YTHDC2: variants seen among roughly 807,000 people sequenced by gnomAD.
The protein encoded by YTHDC2 is 3'-5' RNA helicase YTHDC2.
YTHDC2 carries 45 observed loss-of-function variants against 174.9 expected under a neutral mutation model. That is an observed-to-expected ratio of 0.26 (90% CI 0.20 to 0.33). The LOEUF (loss-of-function observed/expected upper bound fraction) is 0.33. Among genes scored for constraint, YTHDC2 ranks in the 10% least tolerant of loss-of-function variants. The pLI, the probability that YTHDC2 is intolerant of heterozygous loss-of-function variation, is 1.00. For missense variants in YTHDC2, 1,650 were observed against 1,723.7 expected, an observed-to-expected ratio of 0.96 and a Z score of 0.76; for synonymous variants, 657 against 574.5, an observed-to-expected ratio of 1.14 and a Z score of -2.05.
Position 113,548,444 on chromosome 5 carries a change from C to T in YTHDC2, c.1496-97C>T, listed in dbSNP as rs1776032991. The T allele has an allele frequency of 3.2e-6, 4 of 1,247,480 alleles. No homozygotes were observed. In the African/African-American group the frequency reaches 6.1e-5, roughly 19 times the overall value. 77.3% of individuals were successfully genotyped at this position (1,247,480 alleles called of 1,614,324 possible). On this transcript the variant is annotated intron_variant, in intron 10 of 29. Transcript: ENST00000161863. Reference sequence around the variant, plus strand: ...AGGAGCAACTCTCAGGCTAATTATCCTGAAACTCAGTTCTGCTATTTCAGA... The same window carrying T: ...AGGAGCAACTCTCAGGCTAATTATCTTGAAACTCAGTTCTGCTATTTCAGA...
chr5:113,527,178 A>T (rs917364032), intron 4 of YTHDC2, among the ~76,000 whole-genome samples: 1 of 152,150 alleles, frequency 6.6e-6, no homozygotes, highest in Non-Finnish European at 1.5e-5. Context: ...CATTTATAAA[A>T]TGGGACTAAT....
At position 113,534,482 on chromosome 5, in the gene YTHDC2, G is replaced by C; in HGVS notation, c.945+75G>C. ...TAAATACATATGCCGTTTCAGGATA[G>C]TCTCAAAAAATTTAAATACATAATT... On this transcript the variant is annotated intron_variant, in intron 6 of 29. Coordinates refer to ENST00000161863, the MANE Select transcript of YTHDC2 (RefSeq NM_022828.5). The C allele has an allele frequency of 3.0e-6, 4 of 1,346,500 alleles. 1 individual carries two copies. Among genetic ancestry groups the C allele is most frequent in the Non-Finnish European group, 4.2e-6 (4 of 955,094 alleles). The allele number at this position is 1,346,500 out of a possible 1,614,324, so 83.4% of individuals were successfully genotyped here. A position where few individuals can be genotyped will look rare whatever the true frequency, so the allele number is the denominator to read the frequency against.
At chr5:113,525,281 C>T (rs1176258536) in intron 3 of YTHDC2, 104 bp downstream of exon 3, 4 of 956,166 alleles carry the variant, frequency 4.2e-6, no homozygotes, top group Non-Finnish European at 6.0e-6. Flanking sequence ...TAAGATTTCT[C>T]AATTGGAATA....
intron 2 of YTHDC2, among the ~76,000 whole-genome samples, chr5:113,523,370 T>A (rs1774004718): frequency 6.6e-6 from 1 of 152,148 alleles, no homozygotes; most frequent in South Asian, 2.1e-4. Flanking sequence ...CCATTTGCTC[T>A]GGTGCTCAGT....
chr5:113,526,820 A>G, intron 4 of YTHDC2, 35 bp downstream of exon 4: 1 of 400,234 alleles, frequency 2.5e-6, no homozygotes, highest in Non-Finnish European at 3.6e-6. Context: ...AGAAAAAAAA[A>G]AAAAAAATAT....
intron 10 of YTHDC2, among the ~76,000 whole-genome samples, chr5:113,544,382 C>T (rs904729636): frequency 6.6e-6 from 1 of 152,088 alleles, no homozygotes; most frequent in African/African-American, 2.4e-5. Flanking sequence ...ATCTCTTGAC[C>T]TTGTGATCCG....
At chr5:113,514,220 TCAG>T (rs2112500059) in intron 1 of YTHDC2, 138 bp downstream of exon 1, 4 of 1,125,350 alleles carry the variant, frequency 3.6e-6, no homozygotes, top group Non-Finnish European at 2.6e-6. Context: ...GGGGCGGGCC[TCAG>T]CGGCGGCACC....
intron 2 of YTHDC2, among the ~76,000 whole-genome samples, chr5:113,515,767 G>A (rs1222824670): frequency 6.6e-6 from 1 of 152,152 alleles, no homozygotes; most frequent in Non-Finnish European, 1.5e-5. Context: ...AAAGAACAAT[G>A]AATTTATTTA....
chr5:113,580,452 T>C (rs1778328891), intron 24 of YTHDC2, among the ~76,000 whole-genome samples: 2 of 152,156 alleles, frequency 1.3e-5, no homozygotes, highest in South Asian at 2.1e-4. Flanking sequence ...CTTTTCAAAT[T>C]ACAAATTTTC....
At chr5:113,574,211 C>T (rs1162723527) in intron 23 of YTHDC2, among the ~76,000 whole-genome samples, 1 of 152,088 alleles carries the variant, frequency 6.6e-6, no homozygotes, top group Non-Finnish European at 1.5e-5. Flanking sequence ...GCCAGTCTTC[C>T]ATAGGGCTGC....
intron 23 of YTHDC2, among the ~76,000 whole-genome samples, chr5:113,573,261 G>T (rs544326919): frequency 6.6e-6 from 1 of 152,250 alleles, no homozygotes; most frequent in Non-Finnish European, 1.5e-5. Flanking sequence ...TTCTGGGTTG[G>T]AAATTCTTTT....
intron 12 of YTHDC2, among the ~76,000 whole-genome samples, chr5:113,552,359 C>A (rs1776302956): frequency 6.6e-6 from 1 of 152,036 alleles, no homozygotes; most frequent in Admixed American, 6.6e-5. Context: ...CCTAGGCCTC[C>A]TCCAGCTTTA....
chr5:113,528,748 A>C (rs780696286), intron 4 of YTHDC2, among the ~76,000 whole-genome samples: 1 of 152,172 alleles, frequency 6.6e-6, no homozygotes, highest in Non-Finnish European at 1.5e-5. Flanking sequence ...GGCTCAAGCG[A>C]TCCACCTGCC....
At chr5:113,588,421 G>T (rs947657272) in intron 26 of YTHDC2, among the ~76,000 whole-genome samples, 18 of 151,628 alleles carry the variant, frequency 1.2e-4, no homozygotes, top group African/African-American at 4.4e-4. Context: ...GTTCATGAGG[G>T]GTATTATTCT....
chr5:113,559,308 A>G (rs140067319), intron 17 of YTHDC2, among the ~76,000 whole-genome samples: 151 of 152,336 alleles, frequency 9.9e-4, no homozygotes, highest in Non-Finnish European at 1.9e-3. Flanking sequence ...GTTATAACGT[A>G]TCTGAACAGG....
chr5:113,569,806 G>A (rs755222810), intron 23 of YTHDC2, among the ~76,000 whole-genome samples: 2 of 152,068 alleles, frequency 1.3e-5, no homozygotes, highest in Non-Finnish European at 2.9e-5. Flanking sequence ...TTTTTGCTTA[G>A]GATTGTCTTG....
rs1263674717 is a variant in YTHDC2, at chr5:113,526,672, T to G, written c.562T>G (p.Ser188Ala). Residue 188 changes from serine (S) to alanine (A), a missense_variant, in exon 4 of 30, where the codon TCT (serine) becomes GCT (alanine). Around this residue, in one of 5 missense-constraint regions of YTHDC2, gnomAD observed 304 missense variants for 341.4 expected, o/e 0.89. Coordinates refer to ENST00000161863, the MANE Select transcript of YTHDC2 (RefSeq NM_022828.5). ...GAAAAGAGGAGAATCCGAATTTGATTCTTTTAGGCAGTCTTTACCAGTGTT... is the reference window on the plus strand; with the variant it reads ...GAAAAGAGGAGAATCCGAATTTGATGCTTTTAGGCAGTCTTTACCAGTGTT... The part of the protein sequence containing the change: ...PVKRGESEFD[S>A]FRQSLPVFEK... 1 of 1,606,720 alleles carries G rather than the reference T, an allele frequency of 6.2e-7. No individual in the cohort carries two copies. The highest frequency in any genetic ancestry group is 8.5e-7 in the Non-Finnish European group (1 of 1,175,988).
chr5:113,584,044 A>G, intron 25 of YTHDC2: 1 of 266,836 alleles, frequency 3.7e-6, no homozygotes, highest in Non-Finnish European at 7.0e-6. Flanking sequence ...ATTTTATTTA[A>G]CAGATAAGGA....
chr5:113,593,338 G>C lies in YTHDC2; in HGVS notation c.4248G>C (p.Gln1416His). 2 of 1,612,834 alleles carry C rather than the reference G, an allele frequency of 1.2e-6. No homozygotes were observed. The highest frequency in any genetic ancestry group is 1.7e-6 in the Non-Finnish European group (2 of 1,179,162). The change falls in exon 29 of 30, where the codon CAG (glutamine) becomes CAC (histidine). Residue 1416 changes from glutamine (Q) to histidine (H), a missense_variant. Coordinates refer to ENST00000161863, the MANE Select transcript of YTHDC2 (RefSeq NM_022828.5). The stretch of plus-strand genomic sequence containing the variant: ...CTCTGGTTGGTGAACAGTTGCTCCA[G>C]TTATGGGAACGTCTTCCCTTGGGAG... ...LEPLVGEQLL[Q>H]LWERLPLGEK... is the part of the protein sequence containing the mutation.
Sources: gnomAD v4.1 joint callset for allele counts (sites outside exome capture counted in the v4.1 genomes callset) on GRCh38, gnomAD v4.1.1 for gene constraint, gnomAD v4.1.1 regional missense constraint, MANE v1.5 for transcripts, NCBI Gene and HGNC (gene_info 2026-07-23, HGNC 2026-07-21) for gene names.